The following HYCC2 variants were observed in gnomAD, a reference collection of about 807,000 sequenced individuals.
The protein encoded by HYCC2 is hyccin PI4KA lipid kinase complex subunit 2.
At chr2:200,984,467 T>C in the HYCC2 span, among the ~76,000 whole-genome samples, 3 of 152,230 alleles carry the variant, frequency 2.0e-5, no homozygotes, top group Non-Finnish European at 4.4e-5. Context: ...CCAATTTTAA[T>C]TGTAAAATTA....
chr2:200,992,397 T>G, the HYCC2 span: 1 of 1,362,808 alleles, frequency 7.3e-7, no homozygotes. Flanking sequence ...TTTATACTCT[T>G]GAGCAAATAT....
chr2:201,030,140 A>C, the HYCC2 span, among the ~76,000 whole-genome samples: 3 of 152,186 alleles, frequency 2.0e-5, no homozygotes, highest in African/African-American at 7.2e-5. Flanking sequence ...CAAAAAGGAC[A>C]TACTTTCCAA....
chr2:201,033,190 TGTGTGTGA>T, the HYCC2 span, among the ~76,000 whole-genome samples: 6 of 142,220 alleles, frequency 4.2e-5, no homozygotes, highest in African/African-American at 1.4e-4. Flanking sequence ...TGTGTGTGTG[TGTGTGTGA>T]GAGAGAGAGA....
At chr2:201,043,432 TAA>T in the HYCC2 span, among the ~76,000 whole-genome samples, 6 of 74,896 alleles carry the variant, frequency 8.0e-5, no homozygotes, top group Non-Finnish European at 1.4e-4. Flanking sequence ...CAATAAATAC[TAA>T]AAAAAAAAAA....
the HYCC2 span, among the ~76,000 whole-genome samples, chr2:201,070,889 T>G: frequency 1.1e-4 from 16 of 152,104 alleles, no homozygotes; most frequent in Admixed American, 1.3e-4. Context: ...CTACAAAACA[T>G]GAACCTGGCC....
the HYCC2 span, among the ~76,000 whole-genome samples, chr2:200,995,744 G>T: frequency 2.0e-5 from 3 of 152,210 alleles, no homozygotes; most frequent in Admixed American, 1.3e-4. Flanking sequence ...CTTCTAAGAT[G>T]CTAAGCAGAG....
chr2:201,058,555 T>A, the HYCC2 span, among the ~76,000 whole-genome samples: 1 of 152,034 alleles, frequency 6.6e-6, no homozygotes, highest in Non-Finnish European at 1.5e-5. Flanking sequence ...AAATACAAAA[T>A]TAGCCAGGCA....
the HYCC2 span, chr2:201,011,611 C>A: frequency 2.0e-6 from 1 of 503,320 alleles, no homozygotes; most frequent in Non-Finnish European, 3.4e-6. Flanking sequence ...ACATTACCAC[C>A]CTAGTTTATC....
At chr2:201,050,164 T>C in the HYCC2 span, among the ~76,000 whole-genome samples, 14 of 150,026 alleles carry the variant, frequency 9.3e-5, no homozygotes, top group Non-Finnish European at 1.6e-4. Context: ...TAGTGAGCCA[T>C]AACTGTGCCA....
At chr2:201,051,696 A>G in the HYCC2 span, among the ~76,000 whole-genome samples, 12 of 152,348 alleles carry the variant, frequency 7.9e-5, no homozygotes, top group African/African-American at 2.9e-4. Context: ...AAAGCGGAGG[A>G]TATACCATGT....
the HYCC2 span, among the ~76,000 whole-genome samples, chr2:201,029,489 T>C: frequency 1.3e-5 from 2 of 152,198 alleles, no homozygotes; most frequent in African/African-American, 2.4e-5. Flanking sequence ...CGTATGTTTA[T>C]TGCAGCACTA....
At chr2:201,002,582 G>C in the HYCC2 span, among the ~76,000 whole-genome samples, 1 of 151,164 alleles carries the variant, frequency 6.6e-6, no homozygotes, top group African/African-American at 2.4e-5. Context: ...CTGGAGTGCA[G>C]TGGCGCGATC....
At chr2:201,051,467 C>G in the HYCC2 span, among the ~76,000 whole-genome samples, 1 of 151,994 alleles carries the variant, frequency 6.6e-6, no homozygotes, top group African/African-American at 2.4e-5. Context: ...CCAAAAGACT[C>G]TATAGATTAT....
At chr2:200,976,593 G>C in the HYCC2 span, 1 of 152,104 alleles carries the variant, frequency 6.6e-6, no homozygotes, top group Non-Finnish European at 1.5e-5. Context: ...CAGTATTCCA[G>C]TGTCTAATAA....
At chr2:201,068,059 C>T in the HYCC2 span, among the ~76,000 whole-genome samples, 2 of 151,984 alleles carry the variant, frequency 1.3e-5, no homozygotes, top group Admixed American at 6.6e-5. Context: ...CCGAGGCAGG[C>T]GGATCACCTG....
the HYCC2 span, among the ~76,000 whole-genome samples, chr2:201,056,473 G>A: frequency 3.3e-5 from 5 of 152,006 alleles, no homozygotes; most frequent in Admixed American, 1.3e-4. Flanking sequence ...TTGGGAGTTC[G>A]AGACCAGCCT....
At chr2:201,043,316 A>C in the HYCC2 span, among the ~76,000 whole-genome samples, 2 of 151,890 alleles carry the variant, frequency 1.3e-5, no homozygotes, top group African/African-American at 4.8e-5. Flanking sequence ...CCCTCTGCCT[A>C]GGAAAACCAG....
At chr2:201,042,414 C>A in the HYCC2 span, among the ~76,000 whole-genome samples, 5 of 152,098 alleles carry the variant, frequency 3.3e-5, no homozygotes, top group Non-Finnish European at 7.4e-5. Flanking sequence ...TGCCCGGCCG[C>A]CCATCATCTG....
At chr2:201,021,215 T>G in the HYCC2 span, among the ~76,000 whole-genome samples, 46 of 152,278 alleles carry the variant, frequency 3.0e-4, no homozygotes, top group Non-Finnish European at 4.4e-4. Flanking sequence ...TCCAGAATTG[T>G]TTTGAAATTC....
Sources: allele counts gnomAD v4.1 joint callset (sites outside exome capture counted in the v4.1 genomes callset), GRCh38; gene constraint gnomAD v4.1.1; transcripts MANE v1.5; gene names NCBI Gene and HGNC (gene_info 2026-07-23, HGNC 2026-07-21).